Variants in RSRC2 observed in about 807,000 individuals in gnomAD.
RSRC2 encodes the protein arginine/serine-rich coiled-coil protein 2.
Under a neutral mutation model 61.3 loss-of-function variants are expected in RSRC2, and 5 were observed. That is an observed-to-expected ratio of 0.08 (90% CI 0.04 to 0.17). The LOEUF (loss-of-function observed/expected upper bound fraction) is 0.17, where lower values mean the gene tolerates loss of function less well. Ranked by LOEUF, RSRC2 falls within the 10% of genes least tolerant of loss-of-function variation. The pLI is 1.00. For missense variants in RSRC2, 381 were observed against 518.8 expected, an observed-to-expected ratio of 0.73 and a Z score of 2.58; for synonymous variants, 202 against 166.5, an observed-to-expected ratio of 1.21 and a Z score of -1.64.
At chr12:122,522,440 G>T in intron 1 of RSRC2, 141 bp from the exon 2 acceptor site, 1 of 776,378 alleles carries the variant, frequency 1.3e-6, no homozygotes, top group Non-Finnish European at 2.0e-6. Context: ...AACTAAATGT[G>T]CTTTGTACAC....
At position 122,505,560 on chromosome 12, in the gene RSRC2, G is replaced by A; in HGVS notation, c.1272C>T (p.Phe424=). 6.2e-7 allele frequency: 1 copy of A among 1,613,830 alleles called. No individual in the cohort carries two copies. Among genetic ancestry groups the A allele is most frequent in the Non-Finnish European group, 8.5e-7 (1 of 1,179,914 alleles). Residue 424 remains phenylalanine (F), a synonymous_variant, in exon 10 of 10, where the codon TTC becomes TTT. Coordinates refer to ENST00000331738, the MANE Select transcript of RSRC2 (RefSeq NM_023012.6). Reference sequence around the variant, plus strand: ...CATCCATTCCTCGCATTGAAGATGTGAAACCCAAACCCATTCCTCTTTGTG... The same window carrying A: ...CATCCATTCCTCGCATTGAAGATGTAAAACCCAAACCCATTCCTCTTTGTG... ...THTQRGMGLG[F]TSSMRGMDAV
intron 6 of RSRC2, among the ~76,000 whole-genome samples, chr12:122,513,236 TAAATAAATAAAATA>T (rs1163216384): frequency 8.3e-6 from 1 of 120,078 alleles, no homozygotes; most frequent in African/African-American, 3.6e-5. Flanking sequence ...AATAAATAAA[TAAATAAATAAAATA>T]AAATAAAAAT....
chr12:122,508,092 C>A (rs1958246899), intron 8 of RSRC2, 126 bp downstream of exon 8: 1 of 832,270 alleles, frequency 1.2e-6, no homozygotes, highest in Non-Finnish European at 2.0e-6. Flanking sequence ...CATAAGCCAC[C>A]CGCGTCTGGC....
chr12:122,515,276 A>G (rs1958819614), intron 5 of RSRC2, 49 bp from the exon 6 acceptor site: 4 of 1,564,568 alleles, frequency 2.6e-6, no homozygotes, highest in Non-Finnish European at 3.5e-6. Context: ...AGTCATAACT[A>G]TTTTGTTAAT....
At chr12:122,514,111 C>T (rs569703855) in intron 6 of RSRC2, among the ~76,000 whole-genome samples, 2 of 152,250 alleles carry the variant, frequency 1.3e-5, no homozygotes, top group South Asian at 4.1e-4. Flanking sequence ...GGAAATACTG[C>T]AAACAAGTGC....
intron 7 of RSRC2, among the ~76,000 whole-genome samples, chr12:122,509,224 G>A (rs867481003): frequency 6.6e-6 from 1 of 151,528 alleles, no homozygotes; most frequent in Non-Finnish European, 1.5e-5. Flanking sequence ...CAAGACAGGC[G>A]GATCACAAGG....
rs550862826 is a variant in RSRC2, at chr12:122,515,051, T to C, written c.725+54A>G. 13 of 1,573,746 alleles carry C rather than the reference T, an allele frequency of 8.3e-6. No individual in the cohort carries two copies. The East Asian group carries it at 2.2e-4, about 27-fold the overall frequency. On this transcript the variant is annotated intron_variant, in intron 6 of 9. Transcript: ENST00000331738. The stretch of plus-strand genomic sequence containing the variant: ...GAAAGAATTCATCTTATCCACACAA[T>C]TGAGCATTTATTTAAAGGCGAACTG...
Position 122,515,070 on chromosome 12 carries a change from C to T in RSRC2, c.725+35G>A, listed in dbSNP as rs377742667. 2.6e-5 allele frequency: 41 copies of T among 1,598,692 alleles called. No homozygotes were observed. In the African/African-American group the frequency reaches 4.3e-4, roughly 17 times the overall value. ...ACACAATTGAGCATTTATTTAAAGG[C>T]GAACTGGAACAAATGAATTAAGAAA... On this transcript the variant is annotated intron_variant, in intron 6 of 9. Transcript: ENST00000331738.
intron 1 of RSRC2, among the ~76,000 whole-genome samples, chr12:122,525,198 ACC>A: frequency 6.6e-6 from 1 of 152,086 alleles, no homozygotes; most frequent in Non-Finnish European, 1.5e-5. Context: ...ACGTGGTGAA[ACC>A]CCGTCTCTAC....
chr12:122,516,944 CGTT>C (rs1958976013), intron 5 of RSRC2, among the ~76,000 whole-genome samples: 1 of 152,090 alleles, frequency 6.6e-6, no homozygotes, highest in Non-Finnish European at 1.5e-5. Flanking sequence ...CTGCTCGCCT[CGTT>C]GTGATTACAG....
At chr12:122,526,722 A>G in intron 1 of RSRC2, 126 bp downstream of exon 1, 2 of 978,642 alleles carry the variant, frequency 2.0e-6, no homozygotes, top group South Asian at 1.3e-5. Flanking sequence ...TGGCGGGCGC[A>G]GAAGAAGGCC....
chr12:122,521,309 T>A, intron 3 of RSRC2, 76 bp downstream of exon 3: 1 of 1,134,826 alleles, frequency 8.8e-7, no homozygotes, highest in Non-Finnish European at 1.3e-6. Context: ...GACAACGTCT[T>A]ATATTCATAC....
Position 122,519,200 on chromosome 12 carries a change from A to AT in RSRC2, c.208-172dup, listed in dbSNP as rs142468959. The AT allele has an allele frequency of 7.7e-3, 4,301 of 557,778 alleles. 93 individuals carry two copies. The highest frequency in any genetic ancestry group is 0.054 in the African/African-American group (2,866 of 53,188). The allele number at this position is 557,778 out of a possible 1,614,324, so 34.6% of individuals were successfully genotyped here. Reference sequence around the variant, plus strand: ...CCCAAATGTTGCAGATGTAATTACTATTTTTTTTACTATAAACACCCAAAA... The same window carrying AT: ...CCCAAATGTTGCAGATGTAATTACTATTTTTTTTTACTATAAACACCCAAAA... On this transcript the variant is annotated intron_variant, in intron 3 of 9. Coordinates refer to ENST00000331738, the MANE Select transcript of RSRC2 (RefSeq NM_023012.6).
Position 122,508,319 on chromosome 12 carries a change from T to C in RSRC2, c.934A>G (p.Ile312Val), listed in dbSNP as rs1958260142. 1 of 1,614,202 alleles carries C rather than the reference T, an allele frequency of 6.2e-7. No homozygotes were observed. The highest frequency in any genetic ancestry group is 8.5e-7 in the Non-Finnish European group (1 of 1,180,046). Residue 312 changes from isoleucine to valine, a missense_variant, in exon 8 of 10, where the codon ATA (isoleucine) becomes GTA (valine). By Grantham distance (29) the Ile-to-Val change is conservative. This residue lies in a region of RSRC2 where 78 missense variants were observed against 183.0 expected (regional missense o/e 0.43). Transcript: ENST00000331738. The stretch of plus-strand genomic sequence containing the variant: ...GGGTTATAGTAGCTAGGAACAGCTA[T>C]TCCTGTCTCTGCCAAAGCTTTAGCT... ...LQAKALAETG[I>V]AVPSYYNPAA...
rs907482724 is a variant in RSRC2 at position 122,515,302 on chromosome 12, T to A, written c.603-75A>T. The A allele has an allele frequency of 1.2e-5, 18 of 1,447,510 alleles. No homozygotes were observed. The African/African-American group carries it at 2.4e-4, about 20-fold the overall frequency. 89.7% of individuals were successfully genotyped at this position (1,447,510 alleles called of 1,614,324 possible). ...TTTTGTTAATAAGAAATCAATTAGTTCAAACAAAAATCCCAACGATACAAA... is the reference window on the plus strand; with the variant it reads ...TTTTGTTAATAAGAAATCAATTAGTACAAACAAAAATCCCAACGATACAAA... On this transcript the variant is annotated intron_variant, in intron 5 of 9. Transcript: ENST00000331738.
chr12:122,520,974 C>T (rs1288218261), intron 3 of RSRC2: 1 of 214,306 alleles, frequency 4.7e-6, no homozygotes, highest in African/African-American at 2.3e-5. Context: ...AAGAGAACTC[C>T]TGTTATCGTT....
chr12:122,515,004 G>C (rs1001670479), intron 6 of RSRC2, 101 bp downstream of exon 6: 1 of 1,275,168 alleles, frequency 7.8e-7, no homozygotes, highest in Non-Finnish European at 1.1e-6. Context: ...TATTACTAAA[G>C]TATGTGAATC....
At chr12:122,510,470 A>T (rs1448941648) in intron 7 of RSRC2, among the ~76,000 whole-genome samples, 4 of 152,208 alleles carry the variant, frequency 2.6e-5, no homozygotes, top group Non-Finnish European at 4.4e-5. Context: ...CAGAGGTTGC[A>T]GTAAGCTGAG....
At chr12:122,520,605 T>C (rs1593413616) in intron 3 of RSRC2, 1 of 1,341,472 alleles carries the variant, frequency 7.5e-7, no homozygotes, top group African/African-American at 1.5e-5. Flanking sequence ...ATTATAGAAA[T>C]GTTATCATGT....
Sources: allele counts gnomAD v4.1 joint callset (sites outside exome capture counted in the v4.1 genomes callset), GRCh38; gene constraint gnomAD v4.1.1; regional missense constraint gnomAD v4.1.1; transcripts MANE v1.5; gene names NCBI Gene and HGNC (gene_info 2026-07-23, HGNC 2026-07-21).